Variants in CAP2 observed in about 807,000 individuals in gnomAD.
CAP2 encodes the protein adenylyl cyclase-associated protein 2.
In CAP2, 24 loss-of-function variants were observed where a neutral mutation model predicts 57.7. That is an observed-to-expected ratio of 0.42 (90% CI 0.30 to 0.58). The LOEUF is 0.58. CAP2 is among the 20% of genes least tolerant of loss of function. The pLI is 0.22. For synonymous variants in CAP2, 194 were observed against 207.2 expected (o/e 0.94, Z 0.55); for missense variants, 501 against 590.3 (o/e 0.85, Z 1.57).
intron 3 of CAP2, among the ~76,000 whole-genome samples, chr6:17,438,321 G>A (rs983992961): frequency 5.4e-5 from 8 of 148,886 alleles, no homozygotes; most frequent in Admixed American, 6.6e-5. Flanking sequence ...GGCCGAGATC[G>A]TGCCACTGCA....
intron 4 of CAP2, chr6:17,493,741 T>G: frequency 7.2e-6 from 1 of 139,044 alleles, no homozygotes; most frequent in African/African-American, 2.7e-5. Context: ...CACTGAGGAG[T>G]GGAGACCAGA....
At chr6:17,510,728 CAG>C (rs745391535) in intron 6 of CAP2, among the ~76,000 whole-genome samples, 16 of 152,232 alleles carry the variant, frequency 1.1e-4, no homozygotes, top group Non-Finnish European at 2.1e-4. Flanking sequence ...TATCATATGA[CAG>C]CATGAACATA....
At chr6:17,542,661 G>A (rs749740901) in intron 9 of CAP2, among the ~76,000 whole-genome samples, 176 bp from the exon 10 acceptor site, 7 of 152,192 alleles carry the variant, frequency 4.6e-5, no homozygotes, top group Admixed American at 4.6e-4. Flanking sequence ...AAGTGGTTCC[G>A]TTTTTCCCAT....
intron 3 of CAP2, among the ~76,000 whole-genome samples, chr6:17,461,918 G>A (rs562166465): frequency 1.0e-4 from 15 of 145,032 alleles, no homozygotes; most frequent in African/African-American, 1.8e-4. Context: ...GCATGAACCT[G>A]GGGGGCGGAG....
chr6:17,494,991 G>C (rs1007284151), intron 4 of CAP2, among the ~76,000 whole-genome samples: 3 of 152,142 alleles, frequency 2.0e-5, no homozygotes, highest in African/African-American at 7.2e-5. Context: ...GGCTCTTCCT[G>C]GATCTCCAGC....
At chr6:17,429,066 A>C (rs975225590) in intron 3 of CAP2, among the ~76,000 whole-genome samples, 1 of 152,218 alleles carries the variant, frequency 6.6e-6, no homozygotes, top group Non-Finnish European at 1.5e-5. Context: ...ACTAAGATGC[A>C]TCCACGTCAA....
intron 4 of CAP2, among the ~76,000 whole-genome samples, chr6:17,494,829 T>C (rs1237932940): frequency 6.6e-6 from 1 of 152,112 alleles, no homozygotes; most frequent in East Asian, 1.9e-4. Context: ...TCAGTTGGAG[T>C]GCCTCATCCA....
Position 17,551,601 on chromosome 6 carries a change from T to TTA in CAP2, c.1349_1350dup (p.Arg451IlefsTer19). On this transcript the variant is annotated frameshift_variant, in exon 12 of 13. Coordinates refer to ENST00000229922, the MANE Select transcript of CAP2 (RefSeq NM_006366.3). LOFTEE classifies it high-confidence loss of function. ...ACATACTTATCCCTCAGGATGGTGA[T>TTA]TATGTAAGTACCTTTCAAAAGGCTG... 1 of 1,602,880 alleles carries TTA rather than the reference T, an allele frequency of 6.2e-7. No homozygotes were observed. The highest frequency in any genetic ancestry group is 8.5e-7 in the Non-Finnish European group (1 of 1,174,702).
chr6:17,503,101 A>C lies in CAP2; in HGVS notation c.301-4068A>C, dbSNP rs575186042. Among the ~76,000 whole-genome samples, 44 of 152,156 alleles carry C rather than the reference A, an allele frequency of 2.9e-4. 1 individual carries two copies. Among genetic ancestry groups the C allele is most frequent in the Admixed American group, 1.3e-4 (2 of 15,282 alleles). ...GGGGTTTTTGTTTGTTCTATTGTTG[A>C]GAATTTGGAGGTAAGGAGTCCCTGA... On this transcript the variant is annotated intron_variant, in intron 4 of 12. Transcript: ENST00000229922.
intron 7 of CAP2, among the ~76,000 whole-genome samples, chr6:17,521,649 TGAA>T (rs1762395038): frequency 6.6e-6 from 1 of 152,138 alleles, no homozygotes; most frequent in Admixed American, 6.5e-5. Context: ...GCATTCTAGC[TGAA>T]GAAGATGAGC....
chr6:17,428,907 T>C (rs1759657059), intron 3 of CAP2, among the ~76,000 whole-genome samples: 2 of 152,198 alleles, frequency 1.3e-5, no homozygotes, highest in Non-Finnish European at 2.9e-5. Flanking sequence ...GCTCCAAGAC[T>C]GTAATTAAAT....
At chr6:17,420,673 T>C (rs558623319) in intron 1 of CAP2, among the ~76,000 whole-genome samples, 1 of 152,340 alleles carries the variant, frequency 6.6e-6, no homozygotes, top group South Asian at 2.1e-4. Context: ...CCATATATGT[T>C]TTGTGGGCTT....
At chr6:17,474,934 C>T (rs1761111697) in intron 4 of CAP2, among the ~76,000 whole-genome samples, 1 of 152,120 alleles carries the variant, frequency 6.6e-6, no homozygotes, top group South Asian at 2.1e-4. Flanking sequence ...CAGTAACTCA[C>T]ACCTGCAATC....
At chr6:17,402,548 T>A (rs1758844605) in intron 1 of CAP2, among the ~76,000 whole-genome samples, 1 of 152,146 alleles carries the variant, frequency 6.6e-6, no homozygotes, top group Non-Finnish European at 1.5e-5. Context: ...AAGAATGAAA[T>A]TTTGACTCTC....
At position 17,508,997 on chromosome 6, in the gene CAP2, C is replaced by T. The variant is rs539907500; in HGVS notation, c.530+1271C>T. Among the ~76,000 whole-genome samples the T allele has an allele frequency of 2.7e-4, 41 of 152,120 alleles. 1 individual carries two copies. In the South Asian group the frequency reaches 7.5e-3, roughly 28 times the overall value. ...GTCTCAATCTCTTGACCTCGTGATC[C>T]GCCCACCTCAGCCTCCCAAAGTGTT... On this transcript the variant is annotated intron_variant, in intron 6 of 12. Coordinates refer to ENST00000229922, the MANE Select transcript of CAP2 (RefSeq NM_006366.3).
intron 4 of CAP2, among the ~76,000 whole-genome samples, chr6:17,471,551 G>A (rs955209905): frequency 6.6e-6 from 1 of 152,182 alleles, no homozygotes; most frequent in Non-Finnish European, 1.5e-5. Context: ...AAAAAAGTTA[G>A]GCCGGGCACG....
chr6:17,542,926 T>A lies in CAP2; in HGVS notation c.1092T>A (p.Ile364=), dbSNP rs1762941445. ...TTTTCAAATGCGAAAAATCAACTAT[T>A]CAGATAAAAGGGAAAGTAAACTCCA... ...AYIFKCEKST[I]QIKGKVNSII... is the part of the protein sequence containing the mutation. The change falls in exon 10 of 13, where the codon ATT becomes ATA. Residue 364 remains isoleucine (I), a synonymous_variant. Coordinates refer to ENST00000229922, the MANE Select transcript of CAP2 (RefSeq NM_006366.3). The A allele has an allele frequency of 6.2e-7, 1 of 1,613,708 alleles. No homozygotes were observed. The highest frequency in any genetic ancestry group is 1.7e-5 in the Admixed American group (1 of 60,008).
intron 11 of CAP2, among the ~76,000 whole-genome samples, chr6:17,546,023 A>G (rs998264332): frequency 1.8e-4 from 27 of 152,208 alleles, no homozygotes; most frequent in Non-Finnish European, 4.0e-4. Context: ...GTGTCTTTAT[A>G]GCAGCATGAT....
intron 1 of CAP2, among the ~76,000 whole-genome samples, chr6:17,408,228 A>G (rs1026801551): frequency 2.6e-5 from 4 of 152,168 alleles, no homozygotes; most frequent in Admixed American, 6.5e-5. Context: ...GGCTGCTTCC[A>G]TTTGTGGCAA....
Sources: allele counts gnomAD v4.1 joint callset (sites outside exome capture counted in the v4.1 genomes callset), GRCh38; gene constraint gnomAD v4.1.1; transcripts MANE v1.5; gene names NCBI Gene and HGNC (gene_info 2026-07-23, HGNC 2026-07-21).